The following BICRA variants were observed in gnomAD, a reference collection of about 807,000 sequenced individuals.
BICRA encodes the protein BRD4 interacting chromatin remodeling complex associated protein.
Under a neutral mutation model 96.9 loss-of-function variants are expected in BICRA, and 31 were observed. The observed-to-expected ratio is 0.32, with a 90% CI of 0.24 to 0.43. BICRA has a LOEUF of 0.43. Ranked by LOEUF, BICRA falls within the 20% of genes least tolerant of loss-of-function variation. The pLI is 1.00. For missense variants in BICRA, 2,283 were observed against 2,190.3 expected (o/e 1.04, Z -0.84); for synonymous variants, 1,350 against 1,071.8 (o/e 1.26, Z -5.07).
upstream of BICRA, among the ~76,000 whole-genome samples, chr19:47,608,769 C>T (rs1971846492): frequency 6.6e-6 from 1 of 151,386 alleles, no homozygotes; most frequent in Non-Finnish European, 1.5e-5. Flanking sequence ...CTGGCGGGGC[C>T]GGGGCTGGTC....
chr19:47,615,496 C>T (rs1265066049), intron 1 of BICRA, among the ~76,000 whole-genome samples: 1 of 152,168 alleles, frequency 6.6e-6, no homozygotes, highest in Non-Finnish European at 1.5e-5. Context: ...TGGGCCCTGC[C>T]TGTTGGTTCT....
At chr19:47,669,533 T>G (rs1356716678) in intron 1 of BICRA, among the ~76,000 whole-genome samples, 1 of 152,172 alleles carries the variant, frequency 6.6e-6, no homozygotes, top group Non-Finnish European at 1.5e-5. Context: ...ACTATGTGTA[T>G]ACATAGTATA....
In BICRA at chr19:47,701,966, G is replaced by A. The variant is rs1973462101; in HGVS notation, c.4234G>A (p.Gly1412Ser). 2 of 1,460,490 alleles carry A rather than the reference G, an allele frequency of 1.4e-6. No individual in the cohort carries two copies. The highest frequency in any genetic ancestry group is 2.7e-5 in the South Asian group (2 of 75,466). 90.5% of individuals were successfully genotyped at this position (1,460,490 alleles called of 1,614,324 possible). A position where few individuals can be genotyped will look rare whatever the true frequency, so the allele number is the denominator to read the frequency against. Residue 1412 changes from glycine to serine, a missense_variant, in exon 15 of 15, where the codon GGC becomes AGC. Physicochemically the swap from Gly to Ser is moderately conservative, Grantham distance 56 (BLOSUM62 0). Coordinates refer to ENST00000594866, the MANE Select transcript of BICRA (RefSeq NM_001394372.1). The surrounding 1 kb of genome is among the most constrained non-coding windows in gnomAD (Gnocchi z 5.4). ...GACGCCCGCAGGCAGGGCACGGGGA[G>A]GCAGCCCGGCGCCGCTGCCCGCCAA... ...EGTPAGRARG[G>S]SPAPLPAKVD...
chr19:47,644,492 A>C (rs1312578863), intron 1 of BICRA, among the ~76,000 whole-genome samples: 35 of 60,778 alleles, frequency 5.8e-4, no homozygotes, highest in South Asian at 6.2e-4. Flanking sequence ...CCCTTCCCCT[A>C]CCCCTTCACC....
At chr19:47,622,742 A>G (rs1408313104) in intron 1 of BICRA, among the ~76,000 whole-genome samples, 2 of 141,730 alleles carry the variant, frequency 1.4e-5, no homozygotes, top group Admixed American at 7.3e-5. Context: ...AAAAAAAAAA[A>G]AAAAATTTAG....
At chr19:47,653,525 C>G (rs1972571050) in intron 1 of BICRA, among the ~76,000 whole-genome samples, 1 of 152,148 alleles carries the variant, frequency 6.6e-6, no homozygotes, top group Non-Finnish European at 1.5e-5. Flanking sequence ...TTTCTCCCTC[C>G]CCGCAGTCCT....
intron 1 of BICRA, among the ~76,000 whole-genome samples, chr19:47,613,223 G>A (rs1971935408): frequency 6.6e-6 from 1 of 152,098 alleles, no homozygotes; most frequent in Admixed American, 6.5e-5. Context: ...GGTGTATAAG[G>A]CTCCCCAGGT....
rs938004239 is a variant in BICRA, at chr19:47,681,076, C to T, written c.1906C>T (p.Pro636Ser). ...QAPPAVSTPL[P>S]LGLQQPQAQQ... ...GCCCCCCGCGGTCAGCACACCCCTGCCCCTGGGCCTCCAGCAGCCGCAGGC... is the reference window on the plus strand; with the variant it reads ...GCCCCCCGCGGTCAGCACACCCCTGTCCCTGGGCCTCCAGCAGCCGCAGGC... The change falls in exon 6 of 15, where the codon CCC (proline) becomes TCC (serine). Residue 636 changes from proline (P) to serine (S), a missense_variant. Pro to Ser is a moderately conservative substitution (Grantham distance 74, BLOSUM62 -1). Coordinates refer to ENST00000594866, the MANE Select transcript of BICRA (RefSeq NM_001394372.1). The T allele has an allele frequency of 1.3e-4, 180 of 1,439,046 alleles. No homozygotes were observed. Among genetic ancestry groups the T allele is most frequent in the Non-Finnish European group, 1.6e-4 (172 of 1,094,510 alleles). The allele number at this position is 1,439,046 out of a possible 1,614,324, so 89.1% of individuals were successfully genotyped here. A position where few individuals can be genotyped will look rare whatever the true frequency, so the allele number is the denominator to read the frequency against.
intron 1 of BICRA, among the ~76,000 whole-genome samples, chr19:47,667,218 C>A (rs1432396843): frequency 6.6e-6 from 1 of 152,144 alleles, no homozygotes; most frequent in Admixed American, 6.5e-5. Flanking sequence ...CGGGGTTTCA[C>A]CATTCACACA....
rs1297168472 is a variant in BICRA, at chr19:47,640,437, G to A, written c.-107-30006G>A. 2.6e-5 allele frequency among the ~76,000 whole-genome samples: 4 copies of A among 151,922 alleles called. No individual in the cohort carries two copies. In the East Asian group the frequency reaches 7.7e-4, roughly 29 times the overall value. Reference sequence around the variant, plus strand: ...CCCAGCTACTCGGGAGGCTGAGGCAGGAGAATCACTTGAACCTGGGAGGCG... The same window carrying A: ...CCCAGCTACTCGGGAGGCTGAGGCAAGAGAATCACTTGAACCTGGGAGGCG... On this transcript the variant is annotated intron_variant, in intron 1 of 14. Coordinates refer to ENST00000594866, the MANE Select transcript of BICRA (RefSeq NM_001394372.1).
rs752977118 is a variant in BICRA, at chr19:47,680,693, A to G, written c.1523A>G (p.Gln508Arg). Reference sequence around the variant, plus strand: ...GCCGCTGCCCCCCACACAGGTGGACAGCTCATCGCGAACCCCATCCTCACA... The same window carrying G: ...GCCGCTGCCCCCCACACAGGTGGACGGCTCATCGCGAACCCCATCCTCACA... Reference protein sequence around the residue: ...LAAAAPHTGGQLIANPILTNQ... With the variant: ...LAAAAPHTGGRLIANPILTNQ... The change falls in exon 6 of 15, where the codon CAG (glutamine) becomes CGG (arginine). Residue 508 changes from glutamine (Q) to arginine (R), a missense_variant. Transcript: ENST00000594866. 2 of 1,601,308 alleles carry G rather than the reference A, an allele frequency of 1.2e-6. No individual in the cohort carries two copies. The highest frequency in any genetic ancestry group is 2.2e-5 in the South Asian group (2 of 89,612).
intron 1 of BICRA, among the ~76,000 whole-genome samples, chr19:47,619,977 G>C (rs1232846641): frequency 6.6e-6 from 1 of 152,182 alleles, no homozygotes; most frequent in Non-Finnish European, 1.5e-5. Flanking sequence ...CCCAGAAGCA[G>C]TCACTGGCTT....
At chr19:47,636,143 ACTC>A (rs763129904) in intron 1 of BICRA, among the ~76,000 whole-genome samples, 2 of 152,142 alleles carry the variant, frequency 1.3e-5, no homozygotes, top group Non-Finnish European at 2.9e-5. Flanking sequence ...ATATTTCAAA[ACTC>A]CTACAAAATC....
intron 9 of BICRA, 23 bp from the exon 10 acceptor site, chr19:47,695,342 T>TCGGCCCCCCC: frequency 1.6e-6 from 1 of 630,198 alleles, no homozygotes; most frequent in South Asian, 1.9e-5. Context: ...AGGCCCTGTC[T>TCGGCCCCCCC]CCCCCACCCC....
At chr19:47,639,609 T>G (rs940119932) in intron 1 of BICRA, among the ~76,000 whole-genome samples, 1 of 148,338 alleles carries the variant, frequency 6.7e-6, no homozygotes, top group Non-Finnish European at 1.5e-5. Context: ...ATTACAGGCG[T>G]GAGCCACCGC....
At chr19:47,682,818 C>T (rs1260964187) in intron 7 of BICRA, among the ~76,000 whole-genome samples, 1 of 152,108 alleles carries the variant, frequency 6.6e-6, no homozygotes, top group Non-Finnish European at 1.5e-5. Context: ...GTTACAGGTG[C>T]CCGCCACCAT....
intron 1 of BICRA, among the ~76,000 whole-genome samples, chr19:47,627,937 T>A (rs1464509868): frequency 6.6e-6 from 1 of 152,126 alleles, no homozygotes; most frequent in Non-Finnish European, 1.5e-5. Context: ...GTCTGGCTAA[T>A]TTCTGTATTT....
chr19:47,664,449 A>T lies in BICRA; in HGVS notation c.-107-5994A>T, dbSNP rs905408257. 1.2e-4 allele frequency among the ~76,000 whole-genome samples: 19 copies of T among 152,070 alleles called. 1 individual carries two copies. The highest frequency in any genetic ancestry group is 4.6e-4 in the African/African-American group (19 of 41,416). On this transcript the variant is annotated intron_variant, in intron 1 of 14. Transcript: ENST00000594866. ...TGCTTTTTATAGTGTGGTGGTGAAG[A>T]GTGAGGTCTTCAGAATCACAGGGTC... is the stretch of plus-strand genomic sequence containing the variant.
At chr19:47,647,285 A>G (rs56030683) in intron 1 of BICRA, among the ~76,000 whole-genome samples, 19,315 of 151,722 alleles carry the variant, frequency 0.13, 1,335 homozygotes, top group East Asian at 0.18. Flanking sequence ...ACTTGTTTCC[A>G]TTTCTCCTGG....
Sources: allele counts gnomAD v4.1 joint callset (sites outside exome capture counted in the v4.1 genomes callset), GRCh38; gene constraint gnomAD v4.1.1; non-coding constraint Gnocchi (gnomAD v3.1); transcripts MANE v1.5; gene names NCBI Gene and HGNC (gene_info 2026-07-23, HGNC 2026-07-21).